Variants in NAV3 observed in about 807,000 individuals in gnomAD.
The protein encoded by NAV3 is pore membrane and/or filament interacting like protein 1.
In NAV3, 87 loss-of-function variants were observed where a neutral mutation model predicts 244.7. The ratio of observed to expected loss-of-function variants is 0.36; its 90% CI spans 0.30 to 0.42. The LOEUF is 0.42. Among genes scored for constraint, NAV3 ranks in the 20% least tolerant of loss-of-function variants. The pLI is 1.00. For synonymous variants in NAV3, 1,126 were observed against 1,042.2 expected (o/e 1.08, Z -1.55); for missense variants, 2,663 against 2,893.3 (o/e 0.92, Z 1.83).
At chr12:77,882,755 TA>T (rs1434276571) in intron 1 of NAV3, among the ~76,000 whole-genome samples, 1 of 152,038 alleles carries the variant, frequency 6.6e-6, no homozygotes, top group African/African-American at 2.4e-5. Context: ...GTAACTCTAT[TA>T]AAAATGAGCA....
At chr12:77,625,903 T>C (rs976448376) in intron 2 of NAV3, among the ~76,000 whole-genome samples, 1 of 152,030 alleles carries the variant, frequency 6.6e-6, no homozygotes, top group Non-Finnish European at 1.5e-5. Flanking sequence ...CAGTGAAACA[T>C]GAGACCTCAA....
intron 12 of NAV3, among the ~76,000 whole-genome samples, chr12:78,070,861 G>A (rs1366439069): frequency 6.7e-6 from 1 of 148,352 alleles, no homozygotes; most frequent in Admixed American, 6.8e-5. Flanking sequence ...TTTCATCCAT[G>A]TCCCTACAAA....
At chr12:78,047,119 G>A (rs1360480480) in intron 9 of NAV3, among the ~76,000 whole-genome samples, 1 of 151,958 alleles carries the variant, frequency 6.6e-6, no homozygotes, top group Non-Finnish European at 1.5e-5. Flanking sequence ...TTGAGCCTAT[G>A]TGAGTCTTTG....
At chr12:78,069,422 G>T (rs926753659) in intron 12 of NAV3, among the ~76,000 whole-genome samples, 1 of 151,810 alleles carries the variant, frequency 6.6e-6, no homozygotes, top group Non-Finnish European at 1.5e-5. Flanking sequence ...CAAGAATATT[G>T]CATTAAGATA....
At chr12:78,098,612 A>G (rs1266665940) in intron 12 of NAV3, among the ~76,000 whole-genome samples, 1 of 151,938 alleles carries the variant, frequency 6.6e-6, no homozygotes, top group Non-Finnish European at 1.5e-5. Flanking sequence ...AGAAGAAAAT[A>G]AGAAAGATTT....
At chr12:77,741,519 G>C (rs969438317) in intron 2 of NAV3, among the ~76,000 whole-genome samples, 8 of 152,020 alleles carry the variant, frequency 5.3e-5, no homozygotes, top group Admixed American at 5.2e-4. Context: ...CTAGTTTTTA[G>C]TCTCACTGCC....
At chr12:78,207,380 T>C (rs1960440861) in intron 39 of NAV3, among the ~76,000 whole-genome samples, 2 of 152,292 alleles carry the variant, frequency 1.3e-5, no homozygotes, top group Non-Finnish European at 2.9e-5. Flanking sequence ...AGTATGTCCT[T>C]AATGCTAAGA....
intron 2 of NAV3, among the ~76,000 whole-genome samples, chr12:77,687,618 C>G (rs551233451): frequency 1.3e-5 from 2 of 152,130 alleles, no homozygotes; most frequent in South Asian, 4.1e-4. Flanking sequence ...AATAACAGAT[C>G]AAATTTGAGC....
rs199810213 is a variant in NAV3, at chr12:77,722,260, AAC to A, written c.72+149996_72+149997del. Among the ~76,000 whole-genome samples the A allele has an allele frequency of 9.4e-4, 143 of 152,180 alleles. 2 individuals are homozygous for A. In the East Asian group the frequency reaches 0.025, roughly 27 times the overall value. Reference sequence around the variant, plus strand: ...CTACACTGTGTACTGGGCTGTGACTAACATACTTTATTTGATAGGGATTATAA... The same window carrying A: ...CTACACTGTGTACTGGGCTGTGACTAATACTTTATTTGATAGGGATTATAA... On this transcript the variant is annotated intron_variant, in intron 2 of 8. Coordinates refer to the NAV3 transcript ENST00000550042.
At chr12:78,059,725 A>C (rs1209567940) in intron 12 of NAV3, among the ~76,000 whole-genome samples, 2 of 152,168 alleles carry the variant, frequency 1.3e-5, no homozygotes, top group African/African-American at 4.8e-5. Context: ...ATATCTATAA[A>C]AGCAGAATTA....
At chr12:78,098,301 A>G (rs1023975206) in intron 12 of NAV3, among the ~76,000 whole-genome samples, 1 of 152,046 alleles carries the variant, frequency 6.6e-6, no homozygotes, top group African/African-American at 2.4e-5. Flanking sequence ...TTAAATGTAC[A>G]CATTTTAAGT....
chr12:78,165,324 T>TAAGCATA (rs1957733722), intron 23 of NAV3, among the ~76,000 whole-genome samples: 1 of 152,034 alleles, frequency 6.6e-6, no homozygotes, highest in Non-Finnish European at 1.5e-5. Flanking sequence ...AGCCTCAATC[T>TAAGCATA]TCTCTTTAGT....
At chr12:77,984,840 G>T (rs1025418871) in intron 5 of NAV3, among the ~76,000 whole-genome samples, 1 of 149,910 alleles carries the variant, frequency 6.7e-6, no homozygotes, top group African/African-American at 2.5e-5. Context: ...TTTTCGAGAC[G>T]GAGTCTCGCT....
At chr12:77,953,289 C>T (rs112833290) in intron 3 of NAV3, among the ~76,000 whole-genome samples, 61 of 152,248 alleles carry the variant, frequency 4.0e-4, no homozygotes, top group African/African-American at 1.3e-3. Flanking sequence ...ACACACACAA[C>T]TCTGTTCTAG....
chr12:77,854,603 G>A (rs1878082295), intron 1 of NAV3, among the ~76,000 whole-genome samples: 1 of 151,740 alleles, frequency 6.6e-6, no homozygotes, highest in African/African-American at 2.4e-5. Context: ...GTGTGTGTGT[G>A]TGTTTGTGTG....
At chr12:78,012,134 T>G (rs1384113977) in intron 8 of NAV3, among the ~76,000 whole-genome samples, 2 of 151,952 alleles carry the variant, frequency 1.3e-5, no homozygotes, top group Non-Finnish European at 2.9e-5. Flanking sequence ...ATGGAAATAA[T>G]TTAGATTTTG....
chr12:77,658,595 T>C (rs918708194), intron 2 of NAV3, among the ~76,000 whole-genome samples: 58 of 152,086 alleles, frequency 3.8e-4, no homozygotes, highest in African/African-American at 1.3e-3. Context: ...CTTCACAGAA[T>C]TGGAAAAAAC....
rs1960941719 is a variant in NAV3, at chr12:78,212,304, C to T, written c.*1787C>T. ...AAGGGCTAGGCCATGGTATAGACTT[C>T]TTCTATGAGTGTGTGAAAATGTGTT... On this transcript the variant is annotated 3_prime_UTR_variant, in exon 40 of 40. Coordinates refer to ENST00000397909, the MANE Select transcript of NAV3 (RefSeq NM_001024383.2). The T allele has an allele frequency of 6.6e-6, 1 of 152,600 alleles. No individual in the cohort carries two copies. The highest frequency in any genetic ancestry group is 2.1e-4 in the South Asian group (1 of 4,828). 9.5% of individuals were successfully genotyped at this position (152,600 alleles called of 1,614,324 possible). A position where few individuals can be genotyped will look rare whatever the true frequency, so the allele number is the denominator to read the frequency against.
chr12:78,037,511 T>TAG, intron 9 of NAV3: 1 of 593,502 alleles, frequency 1.7e-6, no homozygotes, highest in East Asian at 2.8e-5. Flanking sequence ...AATACATAGT[T>TAG]ACATTTTAAA....
Sources: gnomAD v4.1 joint callset for allele counts (sites outside exome capture counted in the v4.1 genomes callset) on GRCh38, gnomAD v4.1.1 for gene constraint, MANE v1.5 for transcripts, NCBI Gene and HGNC (gene_info 2026-07-23, HGNC 2026-07-21) for gene names.